Variants in USP24 observed in about 807,000 individuals in gnomAD.
USP24 encodes ubiquitin specific peptidase 24.
A neutral mutation model predicts 361.6 loss-of-function variants in USP24; 97 were observed. The ratio of observed to expected loss-of-function variants is 0.27; its 90% CI spans 0.23 to 0.32. The LOEUF (loss-of-function observed/expected upper bound fraction) is 0.32, where lower values mean the gene tolerates loss of function less well. Among genes scored for constraint, USP24 ranks in the 10% least tolerant of loss-of-function variants. The probability of loss-of-function intolerance (pLI) is 1.00; values close to 1 mark genes in which losing one functional copy is unlikely to be tolerated. For missense variants in USP24, 2,353 were observed against 3,165.6 expected (o/e 0.74, Z 6.16); for synonymous variants, 1,098 against 1,124.6 (o/e 0.98, Z 0.47).
At chr1:55,082,676 C>A (rs1353039721) in intron 58 of USP24, among the ~76,000 whole-genome samples, 1 of 152,080 alleles carries the variant, frequency 6.6e-6, no homozygotes, top group African/African-American at 2.4e-5. Flanking sequence ...GTCCCAGCTA[C>A]CAGGGGGCTG....
At chr1:55,127,698 T>C (rs1199363390) in intron 32 of USP24, among the ~76,000 whole-genome samples, 1 of 152,190 alleles carries the variant, frequency 6.6e-6, no homozygotes, top group African/African-American at 2.4e-5. Flanking sequence ...TGTAAAAGTG[T>C]TCCTATTTCT....
chr1:55,212,950 A>G (rs1392598508), intron 1 of USP24, among the ~76,000 whole-genome samples: 4 of 152,212 alleles, frequency 2.6e-5, no homozygotes, highest in Non-Finnish European at 5.9e-5. Context: ...TTGTACTTAC[A>G]TGTACTGGCA....
chr1:55,195,523 A>G (rs545199786), intron 1 of USP24, among the ~76,000 whole-genome samples: 1 of 152,338 alleles, frequency 6.6e-6, no homozygotes, highest in African/African-American at 2.4e-5. Context: ...CCTGTCTTTC[A>G]GGGAAAAAGA....
At chr1:55,088,914 C>T (rs1645311799) in intron 55 of USP24, among the ~76,000 whole-genome samples, 1 of 151,806 alleles carries the variant, frequency 6.6e-6, no homozygotes, top group South Asian at 2.1e-4. Flanking sequence ...TAATATACTA[C>T]CAGGAGTTTT....
At position 55,142,999 on chromosome 1, in the gene USP24, G is replaced by A. The variant is rs1163123103; in HGVS notation, c.2560C>T (p.Leu854=). The change falls in exon 22 of 68, where the codon CTA becomes TTA. Residue 854 remains leucine (L), a synonymous_variant. Transcript: ENST00000294383. ...CCTACCTTCTTTAATCTAGGATTTA[G>A]ATTAATGTAACTATAGTTTATGATT... The part of the protein sequence containing the change: ...QLIINYSYIN[L]NPRLKKDSVS... 2 of 1,516,088 alleles carry A rather than the reference G, an allele frequency of 1.3e-6. No homozygotes were observed. Among genetic ancestry groups the A allele is most frequent in the South Asian group, 1.3e-5 (1 of 77,596 alleles). 93.9% of individuals were successfully genotyped at this position (1,516,088 alleles called of 1,614,324 possible).
intron 1 of USP24, among the ~76,000 whole-genome samples, chr1:55,202,899 A>G (rs1644614019): frequency 6.6e-6 from 1 of 152,212 alleles, no homozygotes; most frequent in Non-Finnish European, 1.5e-5. Context: ...CCAATGTTAA[A>G]AAGTACCTAA....
chr1:55,066,732 C>T lies in USP24; in HGVS notation c.*2313G>A, dbSNP rs1421759234. On this transcript the variant is annotated 3_prime_UTR_variant, in exon 68 of 68. Transcript: ENST00000294383. Reference sequence around the variant, plus strand: ...GGATGCCTTCAACGGGCAGAATCGGCCATCTTAAGATCGGCCTCACTAAGG... The same window carrying T: ...GGATGCCTTCAACGGGCAGAATCGGTCATCTTAAGATCGGCCTCACTAAGG... 1 of 152,152 alleles carries T rather than the reference C, an allele frequency of 6.6e-6. No homozygotes were observed. Among genetic ancestry groups the T allele is most frequent in the African/African-American group, 2.4e-5 (1 of 41,426 alleles). The allele number at this position is 152,152 out of a possible 1,614,324, so 9.4% of individuals were successfully genotyped here.
intron 16 of USP24, among the ~76,000 whole-genome samples, chr1:55,152,482 A>G (rs1005141665): frequency 1.3e-5 from 2 of 152,210 alleles, no homozygotes; most frequent in Non-Finnish European, 2.9e-5. Context: ...GACCTTTTAT[A>G]TATAAAAGAA....
Position 55,098,541 on chromosome 1 carries a change from T to G in USP24, c.5388A>C (p.Gln1796His). 1 of 1,612,202 alleles carries G rather than the reference T, an allele frequency of 6.2e-7. No homozygotes were observed. Among genetic ancestry groups the G allele is most frequent in the African/African-American group, 1.3e-5 (1 of 75,042 alleles). ...DEYLKKMGRD[Q>H]IFKNTFQGIY... The stretch of plus-strand genomic sequence containing the variant: ...TGCCCTGAAATGTATTCTTAAAAAT[T>G]TGGTCTCTCCCCATTTTCTGTTGGA... The change falls in exon 46 of 68, where the codon CAA becomes CAC. Residue 1796 changes from glutamine (Q) to histidine (H), a missense_variant. Gln to His is a conservative substitution (Grantham distance 24, BLOSUM62 0). Around this residue, in one of 8 missense-constraint regions of USP24, gnomAD observed 105 missense variants for 200.3 expected, o/e 0.52. Transcript: ENST00000294383.
chr1:55,168,591 G>A (rs953697612), intron 5 of USP24, among the ~76,000 whole-genome samples: 10 of 152,070 alleles, frequency 6.6e-5, no homozygotes, highest in African/African-American at 2.4e-4. Flanking sequence ...GGGACAGGGT[G>A]ACTCAAGAAG....
In USP24 at chr1:55,094,936, G is replaced by C. The variant is rs536108117; in HGVS notation, c.6203+319C>G. Among the ~76,000 whole-genome samples the C allele has an allele frequency of 5.3e-5, 8 of 152,214 alleles. No individual in the cohort carries two copies. In the South Asian group the frequency reaches 1.7e-3, roughly 32 times the overall value. ...AAGGATCGCTTCAGCCTGGGAGGTC[G>C]AGGCTGCAGTGAGCTATGATCATGC... is the stretch of plus-strand genomic sequence containing the variant. On this transcript the variant is annotated intron_variant, in intron 51 of 67. Coordinates refer to ENST00000294383, the MANE Select transcript of USP24 (RefSeq NM_015306.3).
At chr1:55,178,542 G>A (rs1271127684) in intron 1 of USP24, among the ~76,000 whole-genome samples, 5 of 151,664 alleles carry the variant, frequency 3.3e-5, no homozygotes, top group South Asian at 2.1e-4. Context: ...AGTGGCGGGC[G>A]CCTGTAGTCC....
chr1:55,144,592 TATAA>T (rs1181666518), intron 20 of USP24, among the ~76,000 whole-genome samples: 4 of 152,114 alleles, frequency 2.6e-5, no homozygotes, highest in African/African-American at 9.7e-5. Context: ...AATAAGCACA[TATAA>T]ATAGATGCTT....
chr1:55,135,901 G>T (rs961799664), intron 28 of USP24, among the ~76,000 whole-genome samples: 1 of 152,074 alleles, frequency 6.6e-6, no homozygotes, highest in Admixed American at 6.6e-5. Flanking sequence ...CACAGAGAAG[G>T]TACAAAATAA....
chr1:55,191,593 C>T (rs1463280372), intron 1 of USP24, among the ~76,000 whole-genome samples: 1 of 151,470 alleles, frequency 6.6e-6, no homozygotes, highest in African/African-American at 2.4e-5. Flanking sequence ...CAGGTTCAAG[C>T]GATTCTCCTG....
At chr1:55,206,634 C>A (rs1644711529) in intron 1 of USP24, among the ~76,000 whole-genome samples, 1 of 133,210 alleles carries the variant, frequency 7.5e-6, no homozygotes, top group African/African-American at 2.9e-5. Context: ...TTTCTTGTGC[C>A]AGTGAATGGC....
Position 55,158,899 on chromosome 1 carries a change from A to G in USP24, c.1206T>C (p.Ala402=). 6.4e-7 allele frequency: 1 copy of G among 1,550,596 alleles called. No individual in the cohort carries two copies. The highest frequency in any genetic ancestry group is 8.7e-7 in the Non-Finnish European group (1 of 1,145,256). Residue 402 remains alanine (A), a synonymous_variant, in exon 10 of 68, where the codon GCT becomes GCC. Transcript: ENST00000294383. ...LRMLKSPHFS[A]KMNSLKEVTK... The stretch of plus-strand genomic sequence containing the variant: ...TTACTTCTTTGAGAGAATTCATCTT[A>G]GCACTGAAATGTGGTGATTTCAGCA...
intron 35 of USP24, 75 bp from the exon 36 acceptor site, chr1:55,123,677 T>C: frequency 7.1e-7 from 1 of 1,399,254 alleles, no homozygotes; most frequent in Non-Finnish European, 9.4e-7. Flanking sequence ...TTACTATATG[T>C]TCCAGAATCC....
At position 55,171,678 on chromosome 1, in the gene USP24, C is replaced by A; in HGVS notation, c.703G>T (p.Ala235Ser). 1 of 1,601,704 alleles carries A rather than the reference C, an allele frequency of 6.2e-7. No individual in the cohort carries two copies. Among genetic ancestry groups the A allele is most frequent in the Non-Finnish European group, 8.5e-7 (1 of 1,172,796 alleles). ...TGGTATTCATTATCAGGATTGAAAG[C>A]CTAGATTCAAAGAGAACAGAGAAAC... is the stretch of plus-strand genomic sequence containing the variant. ...PTGLLGVLTM[A>S]FNPDNEYHFK... The change falls in exon 5 of 68, where the codon GCT (alanine) becomes TCT (serine). Residue 235 changes from alanine to serine, a missense_variant and splice_region_variant. Physicochemically the swap from Ala to Ser is moderately conservative, Grantham distance 99. Transcript: ENST00000294383.
Sources: allele counts gnomAD v4.1 joint callset (sites outside exome capture counted in the v4.1 genomes callset), GRCh38; gene constraint gnomAD v4.1.1; regional missense constraint gnomAD v4.1.1; transcripts MANE v1.5; gene names NCBI Gene and HGNC (gene_info 2026-07-23, HGNC 2026-07-21).